ECT2: variants seen among roughly 807,000 people sequenced by gnomAD.
The protein encoded by ECT2 is epithelial cell transforming 2, also known as protein ECT2.
ECT2 carries 61 observed loss-of-function variants against 116.9 expected under a neutral mutation model. The ratio of observed to expected loss-of-function variants is 0.52; its 90% CI spans 0.42 to 0.65. The LOEUF is 0.65. Ranked by LOEUF, ECT2 falls within the 30% of genes least tolerant of loss-of-function variation. The pLI, the probability that ECT2 is intolerant of heterozygous loss-of-function variation, is 0.00. For missense variants in ECT2, 937 were observed against 1,078.7 expected, an observed-to-expected ratio of 0.87 and a Z score of 1.84; for synonymous variants, 358 against 346.4, an observed-to-expected ratio of 1.03 and a Z score of -0.37.
intron 11 of ECT2, among the ~76,000 whole-genome samples, chr3:172,763,921 T>C (rs1045361253): frequency 4.6e-5 from 7 of 152,230 alleles, no homozygotes; most frequent in Non-Finnish European, 1.0e-4. Context: ...TCAGCACATA[T>C]TGGAAAGCAT....
Position 172,754,563 on chromosome 3 carries a change from T to C in ECT2, c.33T>C (p.Thr11=), listed in dbSNP as rs144621390. 6.2e-7 allele frequency: 1 copy of C among 1,611,152 alleles called. No individual in the cohort carries two copies. The highest frequency in any genetic ancestry group is 1.7e-5 in the Admixed American group (1 of 59,494). Residue 11 remains threonine, a synonymous_variant, in exon 2 of 25, where the codon ACT becomes ACC. Transcript: ENST00000392692. The part of the protein sequence containing the change: MAENSVLTST[T]GRTSLADSSI... ...AAAATAGTGTATTAACATCCACTAC[T>C]GGGAGGACTAGCTTGGCAGACTCTT...
At chr3:172,806,127 G>A in intron 21 of ECT2, 1 of 288,864 alleles carries the variant, frequency 3.5e-6, no homozygotes, top group Non-Finnish European at 6.5e-6. Flanking sequence ...GCTTTTAAAT[G>A]GCTATGTATT....
At chr3:172,762,653 A>G in intron 9 of ECT2, 38 bp from the exon 10 acceptor site, 1 of 1,583,204 alleles carries the variant, frequency 6.3e-7, no homozygotes, top group Non-Finnish European at 8.6e-7. Context: ...GGAAATAAGT[A>G]GCTTGGCTTA....
At chr3:172,750,924 G>C (rs1232401519) in intron 1 of ECT2, 67 bp downstream of exon 1, 2 of 152,574 alleles carry the variant, frequency 1.3e-5, no homozygotes, top group Admixed American at 1.3e-4. Context: ...GGGCTCTTTT[G>C]CCTGCGGTCG....
intron 5 of ECT2, 142 bp from the exon 6 acceptor site, chr3:172,758,838 C>T: frequency 1.5e-6 from 1 of 666,122 alleles, no homozygotes; most frequent in Non-Finnish European, 2.5e-6. Context: ...TTTTTTGTTG[C>T]ATATTGAAAA....
At chr3:172,812,828 T>C (rs781044074) in intron 22 of ECT2, among the ~76,000 whole-genome samples, 1 of 152,088 alleles carries the variant, frequency 6.6e-6, no homozygotes, top group Non-Finnish European at 1.5e-5. Context: ...GTTGATTGAA[T>C]GAGATAAAAA....
At chr3:172,764,188 TC>T (rs1446214560) in intron 11 of ECT2, 89 bp from the exon 12 acceptor site, 1 of 1,145,822 alleles carries the variant, frequency 8.7e-7, no homozygotes, top group African/African-American at 1.6e-5. Context: ...AAATCCAGAT[TC>T]TGTCAGACTT....
intron 18 of ECT2, among the ~76,000 whole-genome samples, chr3:172,795,776 TAGAG>T (rs925642903): frequency 2.6e-5 from 4 of 152,082 alleles, no homozygotes; most frequent in African/African-American, 4.8e-5. Flanking sequence ...AATTAAGTAA[TAGAG>T]AGCTCATTAA....
In ECT2 at chr3:172,762,819, A is replaced by G. The variant is rs1182774111; in HGVS notation, c.1005+13A>G. 1.2e-6 allele frequency: 2 copies of G among 1,610,042 alleles called. No individual in the cohort carries two copies. Among genetic ancestry groups the G allele is most frequent in the Non-Finnish European group, 1.7e-6 (2 of 1,178,464 alleles). ...TGTCAAGCAAGAGGCAAGTAATTCTAGAATGAGGTTGGTTTTTAAAAACAC... is the reference window on the plus strand; with the variant it reads ...TGTCAAGCAAGAGGCAAGTAATTCTGGAATGAGGTTGGTTTTTAAAAACAC... On this transcript the variant is annotated intron_variant, in intron 10 of 24. Transcript: ENST00000392692.
In ECT2 at chr3:172,802,668, G is replaced by A. The variant is rs2109027721; in HGVS notation, c.1960G>A (p.Val654Ile). 5 of 1,603,298 alleles carry A rather than the reference G, an allele frequency of 3.1e-6. No homozygotes were observed. The highest frequency in any genetic ancestry group is 4.5e-5 in the East Asian group (2 of 44,518). ...KTEAQKQIFD[V>I]VYEVDGCPAN... is the part of the protein sequence containing the mutation. ...AGAAGCTCAAAAGCAAATTTTTGAT[G>A]TTGTTTATGAAGTAGATGGATGCCC... Residue 654 changes from valine to isoleucine, a missense_variant, in exon 19 of 25, where the codon GTT (valine) becomes ATT (isoleucine). Val to Ile is a conservative substitution (Grantham distance 29, BLOSUM62 3). Coordinates refer to ENST00000392692, the MANE Select transcript of ECT2 (RefSeq NM_001258315.2).
chr3:172,763,850 C>T (rs1421523924), intron 11 of ECT2, among the ~76,000 whole-genome samples: 1 of 152,120 alleles, frequency 6.6e-6, no homozygotes, highest in East Asian at 1.9e-4. Context: ...ATGTGAAGTT[C>T]TTAAAGTTTA....
intron 20 of ECT2, among the ~76,000 whole-genome samples, chr3:172,804,916 A>T (rs1727401210): frequency 1.3e-5 from 2 of 151,638 alleles, no homozygotes; most frequent in South Asian, 4.2e-4. Context: ...TATCCCTTTT[A>T]GCCTCCCTGT....
intron 12 of ECT2, among the ~76,000 whole-genome samples, chr3:172,765,047 A>T (rs1032778423): frequency 1.3e-5 from 2 of 152,212 alleles, no homozygotes; most frequent in African/African-American, 2.4e-5. Flanking sequence ...TCCGGACCTC[A>T]TGACACTTTT....
At position 172,784,769 on chromosome 3, in the gene ECT2, A is replaced by G. The variant is rs1188519811; in HGVS notation, c.1791A>G (p.Val597=). Residue 597 remains valine, a synonymous_variant, in exon 17 of 25, where the codon GTA becomes GTG. Transcript: ENST00000392692. ...QSLVELLIRP[V]QRLPSVALLL... is the part of the protein sequence containing the mutation. ...TTGTTGAACTTCTTATCCGACCAGT[A>G]CAGAGGTTACCCAGTGTTGCATTAC... 1.2e-6 allele frequency: 2 copies of G among 1,612,168 alleles called. No individual in the cohort carries two copies. The highest frequency in any genetic ancestry group is 3.3e-5 in the Admixed American group (2 of 59,982).
chr3:172,784,424 T>A (rs1723256196), intron 16 of ECT2, among the ~76,000 whole-genome samples: 1 of 152,204 alleles, frequency 6.6e-6, no homozygotes, highest in Admixed American at 6.5e-5. Flanking sequence ...TTAAATGTGC[T>A]TTTTCTTGTG....
At chr3:172,826,967 A>G in the ECT2 span, among the ~76,000 whole-genome samples, 1 of 152,238 alleles carries the variant, frequency 6.6e-6, no homozygotes, top group Non-Finnish European at 1.5e-5. Flanking sequence ...CCAATTTTAA[A>G]ATAGGTGAAA....
chr3:172,803,263 C>T (rs1727060650), intron 20 of ECT2, among the ~76,000 whole-genome samples: 1 of 152,062 alleles, frequency 6.6e-6, no homozygotes, highest in Admixed American at 6.5e-5. Flanking sequence ...CTGATAACTT[C>T]TTGTTTCTAT....
Position 172,815,643 on chromosome 3 carries a change from G to A in ECT2, c.2440G>A (p.Val814Ile), listed in dbSNP as rs1349293673. ...TACTGCTGATCCAGAATCCTTTGAA[G>A]TAAATACAAAAGATATGGACAGTAC... ...IYTADPESFE[V>I]NTKDMDSTLS... The change falls in exon 23 of 25, where the codon GTA becomes ATA. Residue 814 changes from valine (V) to isoleucine (I), a missense_variant. By Grantham distance (29) the Val-to-Ile change is conservative. Transcript: ENST00000392692. 6.2e-7 allele frequency: 1 copy of A among 1,600,548 alleles called. No homozygotes were observed. Among genetic ancestry groups the A allele is most frequent in the Non-Finnish European group, 8.5e-7 (1 of 1,174,402 alleles).
intron 15 of ECT2, among the ~76,000 whole-genome samples, chr3:172,783,217 T>C (rs1473946796): frequency 6.6e-6 from 1 of 152,178 alleles, no homozygotes; most frequent in Non-Finnish European, 1.5e-5. Context: ...TTCAGTGCCT[T>C]GAGTACTGGC....
Sources: gnomAD v4.1 joint callset for allele counts (sites outside exome capture counted in the v4.1 genomes callset) on GRCh38, gnomAD v4.1.1 for gene constraint, MANE v1.5 for transcripts, NCBI Gene and HGNC (gene_info 2026-07-23, HGNC 2026-07-21) for gene names.